The following XKR6 variants were observed in gnomAD, a reference collection of about 807,000 sequenced individuals.
The protein encoded by XKR6 is XK-related protein 6.
In XKR6, 22 loss-of-function variants were observed where a neutral mutation model predicts 56.7. The ratio of observed to expected loss-of-function variants is 0.39; its 90% CI spans 0.28 to 0.55. The LOEUF (loss-of-function observed/expected upper bound fraction) is 0.55, where lower values mean the gene tolerates loss of function less well. XKR6 is among the 20% of genes least tolerant of loss of function. The probability of loss-of-function intolerance (pLI) is 0.66; values close to 1 mark genes in which losing one functional copy is unlikely to be tolerated. For synonymous variants in XKR6, 524 were observed against 387.8 expected (o/e 1.35, Z -4.13); for missense variants, 852 against 889.0 (o/e 0.96, Z 0.53).
chr8:11,165,864 G>A (rs958024634), intron 1 of XKR6, among the ~76,000 whole-genome samples: 4 of 151,696 alleles, frequency 2.6e-5, no homozygotes, highest in Admixed American at 6.6e-5. Context: ...TATATCTCAC[G>A]TTACATGAAG....
chr8:11,054,899 C>G (rs899481288), intron 1 of XKR6, among the ~76,000 whole-genome samples: 4 of 152,168 alleles, frequency 2.6e-5, no homozygotes, highest in Non-Finnish European at 5.9e-5. Context: ...GGAAGAGGCC[C>G]TTTCCTAATT....
intron 1 of XKR6, chr8:11,175,617 G>C (rs1326595892): frequency 6.6e-6 from 1 of 152,180 alleles, no homozygotes; most frequent in Non-Finnish European, 1.5e-5. Flanking sequence ...GAAAAATAAA[G>C]AATCTGTTTG....
At position 10,952,314 on chromosome 8, in the gene XKR6, T is replaced by A. The variant is rs1801751236; in HGVS notation, c.765-27484A>T. Among the ~76,000 whole-genome samples the A allele has an allele frequency of 2.0e-5, 3 of 152,178 alleles. No homozygotes were observed. The South Asian group carries it at 6.2e-4, about 31-fold the overall frequency. On this transcript the variant is annotated intron_variant, in intron 1 of 2. Transcript: ENST00000416569. ...GAAAGAGGCCCACTTACCACCCACA[T>A]CATCCATGAGCTTGCTCATTGTATG...
intron 1 of XKR6, among the ~76,000 whole-genome samples, chr8:10,977,708 G>T (rs1434613739): frequency 6.6e-6 from 1 of 150,606 alleles, no homozygotes; most frequent in African/African-American, 2.4e-5. Context: ...TAGAGACAGT[G>T]CAGGGGTCAT....
At chr8:11,108,572 CTAT>C in intron 1 of XKR6, 1 of 336,800 alleles carries the variant, frequency 3.0e-6, no homozygotes, top group South Asian at 2.4e-5. Context: ...GCCTTGGACT[CTAT>C]TTCTATCACC....
chr8:11,134,454 G>A (rs752348549), intron 1 of XKR6, among the ~76,000 whole-genome samples: 1 of 152,150 alleles, frequency 6.6e-6, no homozygotes, highest in African/African-American at 2.4e-5. Context: ...TACTCCAAGT[G>A]GAAACACTGC....
intron 2 of XKR6, among the ~76,000 whole-genome samples, chr8:10,906,738 A>AG (rs1800198891): frequency 6.6e-6 from 1 of 152,222 alleles, no homozygotes. Context: ...TGGACCCTTA[A>AG]GAAGGGTCAA....
chr8:11,056,244 T>C (rs1207715439), intron 1 of XKR6, among the ~76,000 whole-genome samples: 1 of 152,222 alleles, frequency 6.6e-6, no homozygotes, highest in Non-Finnish European at 1.5e-5. Context: ...TCCCAGGGGA[T>C]TGCTGCCTGC....
intron 1 of XKR6, chr8:11,137,752 T>A (rs745386205): frequency 6.6e-6 from 3 of 454,954 alleles, no homozygotes; most frequent in South Asian, 4.7e-5. Context: ...CTGAATCGAA[T>A]CCTGCTCCGG....
chr8:11,147,780 A>G (rs892390083), intron 1 of XKR6, among the ~76,000 whole-genome samples: 6 of 152,182 alleles, frequency 3.9e-5, no homozygotes, highest in African/African-American at 1.2e-4. Context: ...GGCTGGAATC[A>G]CAACAGTTGA....
chr8:11,199,159 A>C (rs1563214972), intron 1 of XKR6, among the ~76,000 whole-genome samples: 1 of 152,200 alleles, frequency 6.6e-6, no homozygotes, highest in Non-Finnish European at 1.5e-5. Context: ...GCTAGAAAAA[A>C]AGCTGTTTGG....
chr8:11,040,594 T>C (rs550700831), intron 1 of XKR6, among the ~76,000 whole-genome samples: 1 of 152,120 alleles, frequency 6.6e-6, no homozygotes, highest in Non-Finnish European at 1.5e-5. Context: ...CATTTCTCAG[T>C]TCTGAAGGCT....
intron 1 of XKR6, among the ~76,000 whole-genome samples, chr8:11,046,499 G>A (rs539449721): frequency 4.1e-4 from 63 of 152,290 alleles, no homozygotes; most frequent in Non-Finnish European, 7.5e-4. Flanking sequence ...AATGTTCCTA[G>A]CAACATTATT....
intron 1 of XKR6, among the ~76,000 whole-genome samples, chr8:11,178,776 C>A (rs1802813061): frequency 6.7e-6 from 1 of 150,342 alleles, no homozygotes; most frequent in Non-Finnish European, 1.5e-5. Context: ...GCTCTATATA[C>A]AACTCACAAA....
intron 1 of XKR6, among the ~76,000 whole-genome samples, chr8:10,956,465 C>A (rs1801891993): frequency 6.6e-6 from 1 of 152,134 alleles, no homozygotes; most frequent in Non-Finnish European, 1.5e-5. Context: ...CCAAGAAGGC[C>A]AAGAGTTTCC....
chr8:11,125,908 A>G (rs1799760070), intron 1 of XKR6: 1 of 152,186 alleles, frequency 6.6e-6, no homozygotes, highest in Admixed American at 6.5e-5. Context: ...CTACCCATGC[A>G]GCCTAATGCC....
intron 1 of XKR6, among the ~76,000 whole-genome samples, chr8:11,050,279 G>A (rs1416072534): frequency 1.3e-5 from 2 of 152,094 alleles, no homozygotes; most frequent in East Asian, 1.9e-4. Flanking sequence ...AGCTATCGTC[G>A]AGATCGCGGC....
At chr8:10,923,976 T>C (rs1762117390) in intron 2 of XKR6, among the ~76,000 whole-genome samples, 2 of 152,242 alleles carry the variant, frequency 1.3e-5, no homozygotes, top group African/African-American at 4.8e-5. Context: ...CATGGCTCCA[T>C]GGACTGTCTC....
At chr8:11,134,415 C>G (rs369871806) in intron 1 of XKR6, among the ~76,000 whole-genome samples, 2 of 152,132 alleles carry the variant, frequency 1.3e-5, no homozygotes, top group Admixed American at 6.5e-5. Context: ...AGGGTAGCAT[C>G]ATACACTGTT....
Sources: gnomAD v4.1 joint callset for allele counts (sites outside exome capture counted in the v4.1 genomes callset) on GRCh38, gnomAD v4.1.1 for gene constraint, MANE v1.5 for transcripts, NCBI Gene and HGNC (gene_info 2026-07-23, HGNC 2026-07-21) for gene names.